Variants in SHISA6 observed in about 807,000 individuals in gnomAD.
SHISA6 encodes protein shisa-6.
SHISA6 carries 22 observed loss-of-function variants against 47.9 expected under a neutral mutation model. That is an observed-to-expected ratio of 0.46 (90% CI 0.33 to 0.66). The LOEUF is 0.66. Among genes scored for constraint, SHISA6 ranks in the 30% least tolerant of loss-of-function variants. The pLI is 0.02. For missense variants in SHISA6, 680 were observed against 764.6 expected, an observed-to-expected ratio of 0.89 and a Z score of 1.30; for synonymous variants, 388 against 337.8, an observed-to-expected ratio of 1.15 and a Z score of -1.63.
At position 11,557,799 on chromosome 17, in the gene SHISA6, C is replaced by T. The variant is rs752849612; in HGVS notation, c.1151C>T (p.Pro384Leu). The T allele has an allele frequency of 6.4e-7, 1 of 1,551,138 alleles. No individual in the cohort carries two copies. The highest frequency in any genetic ancestry group is 2.0e-5 in the Admixed American group (1 of 50,932). The change falls in exon 6 of 6, where the codon CCC (proline) becomes CTC (leucine). Residue 384 changes from proline to leucine, a missense_variant. Coordinates refer to ENST00000441885, the MANE Select transcript of SHISA6 (RefSeq NM_207386.4). Reference protein sequence around the residue: ...DEYYMRRRHLPDLAARGTLPL... With the variant: ...DEYYMRRRHLLDLAARGTLPL... ...TATTACATGAGACGGCGGCACCTGCCCGACCTGGCTGCCCGCGGCACCCTC... is the reference window on the plus strand; with the variant it reads ...TATTACATGAGACGGCGGCACCTGCTCGACCTGGCTGCCCGCGGCACCCTC...
At chr17:11,371,421 C>T (rs1383629115) in intron 2 of SHISA6, among the ~76,000 whole-genome samples, 1 of 152,156 alleles carries the variant, frequency 6.6e-6, no homozygotes, top group Non-Finnish European at 1.5e-5. Context: ...GCTTGAGGCA[C>T]ATGCAAGGTA....
At chr17:11,278,529 A>G (rs1035811684) in intron 2 of SHISA6, among the ~76,000 whole-genome samples, 1 of 152,186 alleles carries the variant, frequency 6.6e-6, no homozygotes, top group African/African-American at 2.4e-5. Flanking sequence ...GTTTTTCCTA[A>G]CTAGAACATT....
chr17:11,306,874 A>T (rs1244667115), intron 2 of SHISA6, among the ~76,000 whole-genome samples: 1 of 152,052 alleles, frequency 6.6e-6, no homozygotes, highest in Non-Finnish European at 1.5e-5. Context: ...TTCCATGGTG[A>T]CTTGTCCCAT....
chr17:11,444,510 C>T (rs1915181545), intron 3 of SHISA6, among the ~76,000 whole-genome samples: 1 of 152,094 alleles, frequency 6.6e-6, no homozygotes, highest in Admixed American at 6.5e-5. Context: ...CCAAAGTAAG[C>T]TCCAGTACAG....
chr17:11,402,569 C>T (rs1217213200), intron 3 of SHISA6, among the ~76,000 whole-genome samples: 2 of 152,172 alleles, frequency 1.3e-5, no homozygotes, highest in African/African-American at 2.4e-5. Flanking sequence ...TAACTATTAA[C>T]CTTCTCAGCT....
rs184378656 is a variant in SHISA6 at position 11,496,691 on chromosome 17, A to G, written c.896-55205A>G. ...GAGGCGGAGGTTGCAGTGAGCCAAGATCGCGCCACTGCAATCTAGCCCAGG... is the reference window on the plus strand; with the variant it reads ...GAGGCGGAGGTTGCAGTGAGCCAAGGTCGCGCCACTGCAATCTAGCCCAGG... On this transcript the variant is annotated intron_variant, in intron 3 of 5. Transcript: ENST00000441885. Among the ~76,000 whole-genome samples the G allele has an allele frequency of 4.5e-3, 684 of 151,748 alleles. 4 individuals are homozygous for G. The highest frequency in any genetic ancestry group is 0.016 in the African/African-American group (648 of 41,376).
At chr17:11,424,231 A>G (rs866722374) in intron 3 of SHISA6, among the ~76,000 whole-genome samples, 68 of 152,370 alleles carry the variant, frequency 4.5e-4, no homozygotes, top group African/African-American at 1.5e-3. Context: ...TAAAGCAGAT[A>G]GAAATTAATG....
At chr17:11,419,825 A>G (rs533728176) in intron 3 of SHISA6, among the ~76,000 whole-genome samples, 1 of 152,302 alleles carries the variant, frequency 6.6e-6, no homozygotes, top group Non-Finnish European at 1.5e-5. Context: ...AGTAATAACA[A>G]TCATATAGTG....
intron 3 of SHISA6, among the ~76,000 whole-genome samples, chr17:11,445,436 C>A (rs971195849): frequency 7.9e-5 from 12 of 152,148 alleles, no homozygotes; most frequent in Non-Finnish European, 1.6e-4. Flanking sequence ...ACACATATAT[C>A]CTTGCAAAAT....
chr17:11,487,518 C>A (rs1916383024), intron 3 of SHISA6, among the ~76,000 whole-genome samples: 1 of 152,078 alleles, frequency 6.6e-6, no homozygotes, highest in Admixed American at 6.6e-5. Context: ...AGCCATGTAC[C>A]CAGGAAACAT....
In SHISA6 at chr17:11,407,709, T is replaced by G. The variant is rs577966614; in HGVS notation, c.895+28200T>G. Among the ~76,000 whole-genome samples the G allele has an allele frequency of 4.6e-5, 7 of 152,298 alleles. No homozygotes were observed. In the South Asian group the frequency reaches 1.5e-3, roughly 32 times the overall value. ...GAGTTCGGTTGATGGTTTCTGAGTC[T>G]AAGACTCCTATTAATGATACCACTG... On this transcript the variant is annotated intron_variant, in intron 3 of 5. Transcript: ENST00000441885.
rs567182022 is a variant in SHISA6, at chr17:11,360,287, T to C, written c.800-19127T>C. Among the ~76,000 whole-genome samples, 83 of 152,152 alleles carry C rather than the reference T, an allele frequency of 5.5e-4. No homozygotes were observed. In the South Asian group the frequency reaches 7.7e-3, roughly 14 times the overall value. Reference sequence around the variant, plus strand: ...ACAATGAGAACACATGGGCCGGGCATGGTGGCTCACGCCTGTAATCCCAGC... The same window carrying C: ...ACAATGAGAACACATGGGCCGGGCACGGTGGCTCACGCCTGTAATCCCAGC... On this transcript the variant is annotated intron_variant, in intron 2 of 5. Transcript: ENST00000441885.
intron 3 of SHISA6, among the ~76,000 whole-genome samples, chr17:11,484,207 T>C (rs74321691): frequency 0.056 from 8,514 of 152,212 alleles, 309 homozygotes; most frequent in African/African-American, 0.063. Flanking sequence ...GCATAATTGA[T>C]CATCATGAAA....
chr17:11,322,654 A>G (rs1910752046), intron 2 of SHISA6, among the ~76,000 whole-genome samples: 1 of 152,190 alleles, frequency 6.6e-6, no homozygotes, highest in South Asian at 2.1e-4. Flanking sequence ...TAATTTGCAA[A>G]AAATCATTCT....
rs570030103 is a variant in SHISA6, at chr17:11,325,067, T to A, written c.800-54347T>A. Among the ~76,000 whole-genome samples the A allele has an allele frequency of 2.6e-5, 4 of 152,250 alleles. No homozygotes were observed. In the East Asian group the frequency reaches 7.7e-4, roughly 29 times the overall value. ...GGTAAGGGTCAAATATCTGTGAAAA[T>A]CATTCTGAGAAATGTGCCATCATTC... On this transcript the variant is annotated intron_variant, in intron 2 of 5. Coordinates refer to ENST00000441885, the MANE Select transcript of SHISA6 (RefSeq NM_207386.4).
chr17:11,548,738 G>C (rs956215866), intron 3 of SHISA6, among the ~76,000 whole-genome samples: 1 of 151,944 alleles, frequency 6.6e-6, no homozygotes, highest in Non-Finnish European at 1.5e-5. Flanking sequence ...AAAAATAGGG[G>C]ACCTGCTTAA....
At chr17:11,546,405 G>A (rs544039441) in intron 3 of SHISA6, among the ~76,000 whole-genome samples, 1 of 152,334 alleles carries the variant, frequency 6.6e-6, no homozygotes, top group African/African-American at 2.4e-5. Flanking sequence ...CTATGAGAAT[G>A]AGGAATCCCT....
At position 11,241,398 on chromosome 17, in the gene SHISA6, C is replaced by G. The variant is rs1422298380; in HGVS notation, c.-25C>G. 1.8e-6 allele frequency: 2 copies of G among 1,096,532 alleles called. No homozygotes were observed. Among genetic ancestry groups the G allele is most frequent in the Non-Finnish European group, 2.2e-6 (2 of 900,696 alleles). 67.9% of individuals were successfully genotyped at this position (1,096,532 alleles called of 1,614,324 possible). A position where few individuals can be genotyped will look rare whatever the true frequency, so the allele number is the denominator to read the frequency against. On this transcript the variant is annotated 5_prime_UTR_variant, in exon 1 of 6. Coordinates refer to ENST00000441885, the MANE Select transcript of SHISA6 (RefSeq NM_207386.4). This position sits in a 1 kb window ranked among gnomAD's most constrained non-coding sequence, Gnocchi z 5.5. Reference sequence around the variant, plus strand: ...GGAGCGGCCTGCCGCGGAAGCCTCCCCGCGCCCTCCCGCCCGGCCCCGCCA... The same window carrying G: ...GGAGCGGCCTGCCGCGGAAGCCTCCGCGCGCCCTCCCGCCCGGCCCCGCCA...
Position 11,246,317 on chromosome 17 carries a change from C to T in SHISA6, c.638+4257C>T, listed in dbSNP as rs576173488. Among the ~76,000 whole-genome samples, 22 of 152,172 alleles carry T rather than the reference C, an allele frequency of 1.4e-4. No individual in the cohort carries two copies. In the South Asian group the frequency reaches 2.7e-3, roughly 19 times the overall value. The stretch of plus-strand genomic sequence containing the variant: ...CATCCTGGCTAACACGGTGAAATCC[C>T]GTCTCTACGAAAAACACAAAAAGTT... On this transcript the variant is annotated intron_variant, in intron 1 of 5. Coordinates refer to ENST00000441885, the MANE Select transcript of SHISA6 (RefSeq NM_207386.4).
Sources: allele counts gnomAD v4.1 joint callset (sites outside exome capture counted in the v4.1 genomes callset), GRCh38; gene constraint gnomAD v4.1.1; non-coding constraint Gnocchi (gnomAD v3.1); transcripts MANE v1.5; gene names NCBI Gene and HGNC (gene_info 2026-07-23, HGNC 2026-07-21).